SLC25A27: variants seen among roughly 807,000 people sequenced by gnomAD.
SLC25A27 encodes the protein mitochondrial uncoupling protein 4.
SLC25A27 carries 35 observed loss-of-function variants against 49.1 expected under a neutral mutation model. The observed-to-expected ratio is 0.71, with a 90% CI of 0.54 to 0.95. SLC25A27 has a LOEUF of 0.95. SLC25A27 is among the 40% of genes least tolerant of loss of function. SLC25A27 has a pLI of 0.00. For synonymous variants in SLC25A27, 144 were observed against 136.9 expected, an observed-to-expected ratio of 1.05 and a Z score of -0.36; for missense variants, 339 against 397.1, an observed-to-expected ratio of 0.85 and a Z score of 1.24.
rs572832019 is a variant in SLC25A27 at position 46,676,296 on chromosome 6, T to A, written c.901-87T>A. Reference sequence around the variant, plus strand: ...TCAGCCTAAGTGGTTGCAAAATGACTTTGTCATTCAAATATATGTATGCAC... The same window carrying A: ...TCAGCCTAAGTGGTTGCAAAATGACATTGTCATTCAAATATATGTATGCAC... On this transcript the variant is annotated intron_variant, in intron 8 of 8. Coordinates refer to ENST00000371347, the MANE Select transcript of SLC25A27 (RefSeq NM_004277.5). 1,226 of 1,258,318 alleles carry A rather than the reference T, an allele frequency of 9.7e-4. 14 individuals carry two copies. In the South Asian group the frequency reaches 0.016, roughly 17 times the overall value. The allele number at this position is 1,258,318 out of a possible 1,614,324, so 77.9% of individuals were successfully genotyped here. A position where few individuals can be genotyped will look rare whatever the true frequency, so the allele number is the denominator to read the frequency against.
chr6:46,665,467 C>T (rs370428392), intron 5 of SLC25A27, among the ~76,000 whole-genome samples: 5 of 152,158 alleles, frequency 3.3e-5, no homozygotes, highest in East Asian at 1.9e-4. Flanking sequence ...GGGCGGATCA[C>T]GAGCTCAGGA....
At chr6:46,665,332 T>C (rs917686494) in intron 5 of SLC25A27, among the ~76,000 whole-genome samples, 5 of 152,154 alleles carry the variant, frequency 3.3e-5, no homozygotes, top group African/African-American at 9.7e-5. Flanking sequence ...TCTTAACTCA[T>C]CCCTACCCCT....
At chr6:46,673,292 ATCATATCCCTCTTT>A (rs1763626105) in intron 8 of SLC25A27, among the ~76,000 whole-genome samples, 1 of 152,248 alleles carries the variant, frequency 6.6e-6, no homozygotes, top group Non-Finnish European at 1.5e-5. Context: ...GCAGGTTACT[ATCATATCCCTCTTT>A]TATAGAGAAG....
chr6:46,662,093 A>G (rs1763180570), intron 3 of SLC25A27, among the ~76,000 whole-genome samples: 1 of 152,194 alleles, frequency 6.6e-6, no homozygotes, highest in African/African-American at 2.4e-5. Context: ...GAATTAAACT[A>G]CAATTAAATT....
Position 46,676,421 on chromosome 6 carries a change from A to C in SLC25A27, c.939A>C (p.Lys313Asn). 1 of 1,614,000 alleles carries C rather than the reference A, an allele frequency of 6.2e-7. No homozygotes were observed. Among genetic ancestry groups the C allele is most frequent in the Admixed American group, 1.7e-5 (1 of 60,012 alleles). ...WSMVFWLTYE[K>N]IREMSGVSPF ...TGGTGTTCTGGCTTACTTATGAAAA[A>C]ATCAGAGAGATGAGTGGAGTCAGTC... The change falls in exon 9 of 9, where the codon AAA (lysine) becomes AAC (asparagine). Residue 313 changes from lysine (K) to asparagine (N), a missense_variant. Coordinates refer to ENST00000371347, the MANE Select transcript of SLC25A27 (RefSeq NM_004277.5).
intron 5 of SLC25A27, 39 bp downstream of exon 5, chr6:46,664,925 G>T (rs1261886004): frequency 6.9e-6 from 7 of 1,020,984 alleles, no homozygotes; most frequent in South Asian, 4.8e-5. Context: ...AGTCCTAATT[G>T]CCTTAATAGC....
intron 2 of SLC25A27, among the ~76,000 whole-genome samples, chr6:46,656,936 C>G (rs909243722): frequency 2.0e-5 from 3 of 152,280 alleles, no homozygotes; most frequent in South Asian, 2.1e-4. Context: ...AAAGCCGAGG[C>G]GGGATAATTG....
At chr6:46,667,624 T>C (rs183972283) in intron 5 of SLC25A27, among the ~76,000 whole-genome samples, 437 of 152,330 alleles carry the variant, frequency 2.9e-3, no homozygotes, top group Middle Eastern at 0.02. Flanking sequence ...TGGGGCAATT[T>C]CTCTTAGCTA....
At chr6:46,672,819 T>G (rs187242695) in intron 8 of SLC25A27, among the ~76,000 whole-genome samples, 1 of 152,282 alleles carries the variant, frequency 6.6e-6, no homozygotes, top group East Asian at 1.9e-4. Context: ...GGATGGAGGT[T>G]TAGATTTGAG....
In SLC25A27 at chr6:46,655,994, G is replaced by A. The variant is rs1409350714; in HGVS notation, c.258G>A (p.Lys86=). Residue 86 remains lysine, a synonymous_variant, in exon 2 of 9, where the codon AAG becomes AAA. Transcript: ENST00000371347. ...TCATTGAAGAGGAAGGCTTTCTAAAGCTTTGGCAAGGAGTGACACCCGCCA... is the reference window on the plus strand; with the variant it reads ...TCATTGAAGAGGAAGGCTTTCTAAAACTTTGGCAAGGAGTGACACCCGCCA... The part of the protein sequence containing the change: ...LGIIEEEGFL[K]LWQGVTPAIY... 6.2e-7 allele frequency: 1 copy of A among 1,611,960 alleles called. No homozygotes were observed. Among genetic ancestry groups the A allele is most frequent in the Non-Finnish European group, 8.5e-7 (1 of 1,179,330 alleles).
At chr6:46,675,292 G>A (rs370842750) in intron 8 of SLC25A27, among the ~76,000 whole-genome samples, 82 of 152,242 alleles carry the variant, frequency 5.4e-4, no homozygotes, top group African/African-American at 1.9e-3. Flanking sequence ...AATTAAGAAT[G>A]ATTGCATAGG....
intron 5 of SLC25A27, among the ~76,000 whole-genome samples, chr6:46,665,643 G>A (rs1367231191): frequency 2.0e-5 from 3 of 151,892 alleles, no homozygotes; most frequent in African/African-American, 4.8e-5. Context: ...CTGAGATCGC[G>A]CCACTGTACT....
intron 3 of SLC25A27, among the ~76,000 whole-genome samples, chr6:46,661,471 G>C (rs1582502164): frequency 6.6e-6 from 1 of 152,218 alleles, no homozygotes; most frequent in African/African-American, 2.4e-5. Context: ...TGACCTGATA[G>C]GGATAGCCTT....
chr6:46,660,711 A>T (rs1382809251), intron 3 of SLC25A27, among the ~76,000 whole-genome samples: 1 of 152,194 alleles, frequency 6.6e-6, no homozygotes, highest in Non-Finnish European at 1.5e-5. Flanking sequence ...GGGTTAAAAA[A>T]ATCTAAGTCA....
Position 46,676,552 on chromosome 6 carries a change from A to G in SLC25A27, c.*98A>G. 2 of 1,603,436 alleles carry G rather than the reference A, an allele frequency of 1.2e-6. No individual in the cohort carries two copies. Among genetic ancestry groups the G allele is most frequent in the Non-Finnish European group, 1.7e-6 (2 of 1,173,924 alleles). On this transcript the variant is annotated 3_prime_UTR_variant, in exon 9 of 9. Transcript: ENST00000371347. ...CCCTATTATTTCTACCTCTTTAGGAAGACACCTATTCCACAGAGACTGATT... is the reference window on the plus strand; with the variant it reads ...CCCTATTATTTCTACCTCTTTAGGAGGACACCTATTCCACAGAGACTGATT...
chr6:46,653,492 T>C (rs1472679572), intron 1 of SLC25A27, 194 bp downstream of exon 1: 2 of 985,348 alleles, frequency 2.0e-6, no homozygotes, highest in Admixed American at 1.2e-4. Flanking sequence ...GGCCTTTTCC[T>C]TCTAATCTCT....
intron 8 of SLC25A27, among the ~76,000 whole-genome samples, chr6:46,674,115 T>C (rs1034857422): frequency 1.1e-4 from 16 of 152,126 alleles, no homozygotes; most frequent in Non-Finnish European, 2.2e-4. Flanking sequence ...GAGGGGCAAG[T>C]AGAATATTTA....
At chr6:46,659,129 C>T in intron 3 of SLC25A27, 83 bp downstream of exon 3, 3 of 872,552 alleles carry the variant, frequency 3.4e-6, no homozygotes, top group Non-Finnish European at 5.5e-6. Context: ...TACATTTGTA[C>T]CCAAATTGCC....
rs1253553943 is a variant in SLC25A27 at position 46,677,999 on chromosome 6, ATT to A, written c.*1547_*1548del. On this transcript the variant is annotated 3_prime_UTR_variant, in exon 9 of 9. Transcript: ENST00000371347. Reference sequence around the variant, plus strand: ...TTTAGATGGTCTACTTTTTCATTGAATTTGTCAATATGTAATTGCGTTGTAAA... The same window carrying A: ...TTTAGATGGTCTACTTTTTCATTGAATGTCAATATGTAATTGCGTTGTAAA... 1 of 138,664 alleles carries A rather than the reference ATT, an allele frequency of 7.2e-6. No individual in the cohort carries two copies. Among genetic ancestry groups the A allele is most frequent in the Non-Finnish European group, 1.6e-5 (1 of 64,398 alleles). The allele number at this position is 138,664 out of a possible 1,614,324, so 8.6% of individuals were successfully genotyped here.
Sources: allele counts gnomAD v4.1 joint callset (sites outside exome capture counted in the v4.1 genomes callset), GRCh38; gene constraint gnomAD v4.1.1; transcripts MANE v1.5; gene names NCBI Gene and HGNC (gene_info 2026-07-23, HGNC 2026-07-21).